The following NOPCHAP1 variants were observed in gnomAD, a reference collection of about 807,000 sequenced individuals.
NOPCHAP1 encodes the protein DNA damage-sensitive RNA 1.
A neutral mutation model predicts 14.0 loss-of-function variants in NOPCHAP1; 13 were observed. That is an observed-to-expected ratio of 0.93 (90% CI 0.60 to 1.47). The LOEUF (loss-of-function observed/expected upper bound fraction) is 1.47. Among genes scored for constraint, NOPCHAP1 ranks in the 40% most tolerant of loss-of-function variants. The pLI is 0.00. For missense variants in NOPCHAP1, 230 were observed against 226.9 expected, an observed-to-expected ratio of 1.01 and a Z score of -0.09; for synonymous variants, 78 against 78.4, an observed-to-expected ratio of 1.00 and a Z score of 0.03.
rs377159683 is a variant in NOPCHAP1, at chr12:104,994,682, A to G, written c.544A>G (p.Lys182Glu). 8.7e-5 allele frequency: 139 copies of G among 1,597,894 alleles called. No homozygotes were observed. The highest frequency in any genetic ancestry group is 1.1e-4 in the Non-Finnish European group (132 of 1,171,410). ...KIEVLDSPAS[K>E]KKK is the part of the protein sequence containing the mutation. ...TGAAGTTTTGGACAGTCCAGCAAGTAAAAAAAAGAAATAGTCAAATAAATT... is the reference window on the plus strand; with the variant it reads ...TGAAGTTTTGGACAGTCCAGCAAGTGAAAAAAAGAAATAGTCAAATAAATT... The change falls in exon 4 of 4, where the codon AAA becomes GAA. Residue 182 changes from lysine to glutamate, a missense_variant. Lys to Glu is a moderately conservative substitution (Grantham distance 56, BLOSUM62 1). Transcript: ENST00000552951.
chr12:104,988,354 A>G (rs150500633), intron 2 of NOPCHAP1, 101 bp downstream of exon 2: 4 of 854,264 alleles, frequency 4.7e-6, no homozygotes, highest in Non-Finnish European at 7.4e-6. Context: ...CAAACCACAG[A>G]TAGTCCAGTG....
At position 105,000,700 on chromosome 12, in the gene NOPCHAP1, T is replaced by G. The variant is rs1358562202; in HGVS notation, c.*6004T>G. On this transcript the variant is annotated 3_prime_UTR_variant, in exon 4 of 4. Transcript: ENST00000552951. ...CCCTTCCATAGGGGTTTGAGGGCAG[T>G]GTTTCACTGATGTTGTTTTCAGAAG... 1 of 152,072 alleles carries G rather than the reference T, an allele frequency of 6.6e-6. No individual in the cohort carries two copies. Among genetic ancestry groups the G allele is most frequent in the African/African-American group, 2.4e-5 (1 of 41,406 alleles). 9.4% of individuals were successfully genotyped at this position (152,072 alleles called of 1,614,324 possible). A position where few individuals can be genotyped will look rare whatever the true frequency, so the allele number is the denominator to read the frequency against.
rs569984213 is a variant in NOPCHAP1 at position 104,999,639 on chromosome 12, G to T, written c.*4943G>T. ...GCCATGATCCACTACAGATGCTCCC[G>T]CACCAAAGCCTCTGGGCTCTGCACC... On this transcript the variant is annotated 3_prime_UTR_variant, in exon 4 of 4. Transcript: ENST00000552951. The T allele has an allele frequency of 6.6e-6, 1 of 151,762 alleles. No homozygotes were observed. The highest frequency in any genetic ancestry group is 1.5e-5 in the Non-Finnish European group (1 of 68,086). 9.4% of individuals were successfully genotyped at this position (151,762 alleles called of 1,614,324 possible).
rs759780982 is a variant in NOPCHAP1, at chr12:105,016,347, CTG to C, written c.*21655_*21656del. On this transcript the variant is annotated 3_prime_UTR_variant, in exon 4 of 4. Transcript: ENST00000552951. ...GTAGCTGGTACTTACTGAGCCCTTT[CTG>C]TGTTAGCTACTAGTCTAAGAGTTAC... 2 of 152,208 alleles carry C rather than the reference CTG, an allele frequency of 1.3e-5. No homozygotes were observed. Among genetic ancestry groups the C allele is most frequent in the African/African-American group, 4.8e-5 (2 of 41,448 alleles). 9.4% of individuals were successfully genotyped at this position (152,208 alleles called of 1,614,324 possible). A position where few individuals can be genotyped will look rare whatever the true frequency, so the allele number is the denominator to read the frequency against.
In NOPCHAP1 at chr12:105,016,828, GTTGTT is replaced by G. The variant is rs915923078; in HGVS notation, c.*22139_*22143del. 10 of 152,170 alleles carry G rather than the reference GTTGTT, an allele frequency of 6.6e-5. No homozygotes were observed. Among genetic ancestry groups the G allele is most frequent in the African/African-American group, 2.4e-4 (10 of 41,426 alleles). The allele number at this position is 152,170 out of a possible 1,614,324, so 9.4% of individuals were successfully genotyped here. A position where few individuals can be genotyped will look rare whatever the true frequency, so the allele number is the denominator to read the frequency against. On this transcript the variant is annotated 3_prime_UTR_variant, in exon 4 of 4. Transcript: ENST00000552951. ...CAGTATGTTATGGCCTTATATAAAA[GTTGTT>G]TTGTTTGTAAGCAGTTTGCCCTACA... is the stretch of plus-strand genomic sequence containing the variant.
chr12:105,002,816 C>G lies in NOPCHAP1; in HGVS notation c.*8120C>G, dbSNP rs1486542848. 2 of 152,130 alleles carry G rather than the reference C, an allele frequency of 1.3e-5. No individual in the cohort carries two copies. Among genetic ancestry groups the G allele is most frequent in the East Asian group, 3.8e-4 (2 of 5,198 alleles). 9.4% of individuals were successfully genotyped at this position (152,130 alleles called of 1,614,324 possible). A position where few individuals can be genotyped will look rare whatever the true frequency, so the allele number is the denominator to read the frequency against. On this transcript the variant is annotated 3_prime_UTR_variant, in exon 4 of 4. Coordinates refer to ENST00000552951, the MANE Select transcript of NOPCHAP1 (RefSeq NM_152318.3). ...AGTGTTTTCCCTGGGCTAGGGAAGT[C>G]TTTTACCGTGTCTGGAAGCTTAATT...
chr12:104,988,145 G>A, intron 1 of NOPCHAP1, 22 bp from the exon 2 acceptor site: 1 of 1,561,600 alleles, frequency 6.4e-7, no homozygotes. Context: ...AATTAAGGGT[G>A]TTTGTGTGTC....
rs1873660222 is a variant in NOPCHAP1 at position 105,003,940 on chromosome 12, G to A, written c.*9244G>A. On this transcript the variant is annotated 3_prime_UTR_variant, in exon 4 of 4. Transcript: ENST00000552951. ...TTAAACCTAGCTATTCGTTACAAAA[G>A]TATTCTGCTAAGTTAGGTTTTGGTT... 1 of 152,180 alleles carries A rather than the reference G, an allele frequency of 6.6e-6. No homozygotes were observed. The highest frequency in any genetic ancestry group is 6.5e-5 in the Admixed American group (1 of 15,278). 9.4% of individuals were successfully genotyped at this position (152,180 alleles called of 1,614,324 possible). A position where few individuals can be genotyped will look rare whatever the true frequency, so the allele number is the denominator to read the frequency against.
Position 104,988,173 on chromosome 12 carries a change from G to T in NOPCHAP1, c.122G>T (p.Trp41Leu). 1 of 1,609,814 alleles carries T rather than the reference G, an allele frequency of 6.2e-7. No individual in the cohort carries two copies. The highest frequency in any genetic ancestry group is 8.5e-7 in the Non-Finnish European group (1 of 1,176,772). The change falls in exon 2 of 4, where the codon TGG (tryptophan) becomes TTG (leucine). Residue 41 changes from tryptophan to leucine, a missense_variant. Coordinates refer to ENST00000552951, the MANE Select transcript of NOPCHAP1 (RefSeq NM_152318.3). ...TAGSDGRGGI[W>L]DRLLINSQPK... ...TGTGTGTCTGTATTTTCAGGTATAT[G>T]GGACAGGTTGCTCATCAACTCCCAA...
At position 105,008,987 on chromosome 12, in the gene NOPCHAP1, A is replaced by C. The variant is rs528839122; in HGVS notation, c.*14291A>C. 2 of 152,294 alleles carry C rather than the reference A, an allele frequency of 1.3e-5. No homozygotes were observed. Among genetic ancestry groups the C allele is most frequent in the East Asian group, 3.9e-4 (2 of 5,186 alleles). 9.4% of individuals were successfully genotyped at this position (152,294 alleles called of 1,614,324 possible). On this transcript the variant is annotated 3_prime_UTR_variant, in exon 4 of 4. Coordinates refer to ENST00000552951, the MANE Select transcript of NOPCHAP1 (RefSeq NM_152318.3). The stretch of plus-strand genomic sequence containing the variant: ...ATGGGCTCTTTTTGGGTTTCATATG[A>C]AATTTAAAGTAGTTTTTTCTAATTC...
chr12:104,988,131 A>G (rs770831388), intron 1 of NOPCHAP1, 36 bp from the exon 2 acceptor site: 5 of 1,488,442 alleles, frequency 3.4e-6, no homozygotes, highest in African/African-American at 2.8e-5. Context: ...TTTATGCTGT[A>G]GTAAATTAAG....
In NOPCHAP1 at chr12:105,011,387, G is replaced by C. The variant is rs545604166; in HGVS notation, c.*16691G>C. On this transcript the variant is annotated 3_prime_UTR_variant, in exon 4 of 4. Transcript: ENST00000552951. ...TATGTGTGTCTTTGCACATGAGATG[G>C]GTCTCCTGAATACAGCACACTGATG... The C allele has an allele frequency of 2.0e-5, 3 of 152,098 alleles. No individual in the cohort carries two copies. The highest frequency in any genetic ancestry group is 2.0e-4 in the Admixed American group (3 of 15,284). The allele number at this position is 152,098 out of a possible 1,614,324, so 9.4% of individuals were successfully genotyped here.
At chr12:104,987,564 G>A (rs770633158) in intron 1 of NOPCHAP1, among the ~76,000 whole-genome samples, 10 of 152,178 alleles carry the variant, frequency 6.6e-5, no homozygotes, top group Non-Finnish European at 2.9e-5. Context: ...TAGAAATAGG[G>A]TGTGCAAAGC....
chr12:104,995,756 C>T lies in NOPCHAP1; in HGVS notation c.*1060C>T, dbSNP rs1055820098. The T allele has an allele frequency of 6.6e-6, 1 of 152,092 alleles. No homozygotes were observed. The highest frequency in any genetic ancestry group is 2.4e-5 in the African/African-American group (1 of 41,336). 9.4% of individuals were successfully genotyped at this position (152,092 alleles called of 1,614,324 possible). On this transcript the variant is annotated 3_prime_UTR_variant, in exon 4 of 4. Coordinates refer to ENST00000552951, the MANE Select transcript of NOPCHAP1 (RefSeq NM_152318.3). ...AGTGCAGTGGCGCGATCTCAGCTCA[C>T]TACAAGCTCTGCCTCCCGGGTTCAC...
At chr12:104,989,789 T>A (rs1227398683) in intron 2 of NOPCHAP1, among the ~76,000 whole-genome samples, 1 of 152,170 alleles carries the variant, frequency 6.6e-6, no homozygotes. Context: ...TCATTGATTG[T>A]TTGTTTGGGT....
Position 105,007,902 on chromosome 12 carries a change from A to G in NOPCHAP1, c.*13206A>G, listed in dbSNP as rs758527837. 2 of 152,188 alleles carry G rather than the reference A, an allele frequency of 1.3e-5. No individual in the cohort carries two copies. The highest frequency in any genetic ancestry group is 2.9e-5 in the Non-Finnish European group (2 of 68,052). The allele number at this position is 152,188 out of a possible 1,614,324, so 9.4% of individuals were successfully genotyped here. ...ATGCCACATTTTCTTTATCTAGTCT[A>G]TCACTGATGGGCATTTGGGTTGGTT... On this transcript the variant is annotated 3_prime_UTR_variant, in exon 4 of 4. Coordinates refer to ENST00000552951, the MANE Select transcript of NOPCHAP1 (RefSeq NM_152318.3).
chr12:104,988,102 A>C, intron 1 of NOPCHAP1, 65 bp from the exon 2 acceptor site: 3 of 1,296,926 alleles, frequency 2.3e-6, no homozygotes, highest in Non-Finnish European at 2.2e-6. Context: ...TGAGAGGCTT[A>C]CTGATGGGCC....
Position 105,001,926 on chromosome 12 carries a change from C to G in NOPCHAP1, c.*7230C>G, listed in dbSNP as rs768761966. 3 of 151,876 alleles carry G rather than the reference C, an allele frequency of 2.0e-5. No homozygotes were observed. Among genetic ancestry groups the G allele is most frequent in the African/African-American group, 7.2e-5 (3 of 41,412 alleles). The allele number at this position is 151,876 out of a possible 1,614,324, so 9.4% of individuals were successfully genotyped here. Reference sequence around the variant, plus strand: ...AATAGTACTTTGAGTTGCTGTTTATCCATGTTTATTTAAAGGTATTATGGG... The same window carrying G: ...AATAGTACTTTGAGTTGCTGTTTATGCATGTTTATTTAAAGGTATTATGGG... On this transcript the variant is annotated 3_prime_UTR_variant, in exon 4 of 4. Coordinates refer to ENST00000552951, the MANE Select transcript of NOPCHAP1 (RefSeq NM_152318.3).
rs1873942957 is a variant in NOPCHAP1 at position 105,016,202 on chromosome 12, G to T, written c.*21506G>T. The T allele has an allele frequency of 6.6e-6, 1 of 152,142 alleles. No homozygotes were observed. Among genetic ancestry groups the T allele is most frequent in the African/African-American group, 2.4e-5 (1 of 41,430 alleles). The allele number at this position is 152,142 out of a possible 1,614,324, so 9.4% of individuals were successfully genotyped here. On this transcript the variant is annotated 3_prime_UTR_variant, in exon 4 of 4. Coordinates refer to ENST00000552951, the MANE Select transcript of NOPCHAP1 (RefSeq NM_152318.3). ...GAAAAAAATGACGGATATCTCAGTA[G>T]TGAAAAGACTATAGGAAATGAAGAA...
Sources: allele counts gnomAD v4.1 joint callset (sites outside exome capture counted in the v4.1 genomes callset), GRCh38; gene constraint gnomAD v4.1.1; transcripts MANE v1.5; gene names NCBI Gene and HGNC (gene_info 2026-07-23, HGNC 2026-07-21).